Variants in PRSS57 observed in about 807,000 individuals in gnomAD.
PRSS57 encodes the protein serine protease 57, also known as neutrophil serine protease 4.
A neutral mutation model predicts 20.6 loss-of-function variants in PRSS57; 19 were observed. The observed-to-expected ratio is 0.92, with a 90% CI of 0.64 to 1.35. PRSS57 has a LOEUF of 1.35. PRSS57 is among the 40% of genes most tolerant of loss of function. The probability of loss-of-function intolerance (pLI) is 0.00; values close to 1 mark genes in which losing one functional copy is unlikely to be tolerated. For missense variants in PRSS57, 440 were observed against 403.7 expected (o/e 1.09, Z -0.77); for synonymous variants, 203 against 176.6 (o/e 1.15, Z -1.19).
chr19:695,099 G>C, intron 1 of PRSS57, 132 bp from the exon 2 acceptor site: 1 of 898,484 alleles, frequency 1.1e-6, no homozygotes, highest in Non-Finnish European at 1.5e-6. Context: ...GACCCAGAGA[G>C]CTGGAGACAG....
intron 2 of PRSS57, among the ~76,000 whole-genome samples, chr19:693,153 G>T (rs935763673): frequency 2.7e-5 from 4 of 149,468 alleles, no homozygotes; most frequent in African/African-American, 9.9e-5. Context: ...GGACAGTCTC[G>T]ATCTCCTGAC....
chr19:695,407 C>T lies in PRSS57; in HGVS notation c.24G>A (p.Trp8Ter), dbSNP rs763169445. ...TGGCCACAGTCAGCAGAGGACGTCCCCAGCCCCTCAACCCGAGCCCCATGG... is the reference window on the plus strand; with the variant it reads ...TGGCCACAGTCAGCAGAGGACGTCCTCAGCCCCTCAACCCGAGCCCCATGG... MGLGLRG[W>*]GRPLLTVATA... is the part of the protein sequence containing the mutation. Residue 8 changes from tryptophan (W) to a stop codon, truncating the protein, a stop_gained, in exon 1 of 5, where the codon TGG becomes TGA. Coordinates refer to ENST00000329267, the MANE Select transcript of PRSS57 (RefSeq NM_001308209.2). LOFTEE classifies it high-confidence loss of function. 2 of 1,275,408 alleles carry T rather than the reference C, an allele frequency of 1.6e-6. No homozygotes were observed. The highest frequency in any genetic ancestry group is 1.5e-5 in the African/African-American group (1 of 65,928). The allele number at this position is 1,275,408 out of a possible 1,614,324, so 79.0% of individuals were successfully genotyped here.
chr19:695,274 G>T lies in PRSS57; in HGVS notation c.79+78C>A, dbSNP rs192702345. On this transcript the variant is annotated intron_variant, in intron 1 of 4. Transcript: ENST00000329267. ...TGGAGCTCTCCCCAGGGTTCTCCCG[G>T]GACTGGGGGTTCCCGGGTGTGGCCC... 1.3e-3 allele frequency: 862 copies of T among 669,538 alleles called. 3 individuals are homozygous for T. The highest frequency in any genetic ancestry group is 1.6e-3 in the Non-Finnish European group (747 of 471,344). 41.5% of individuals were successfully genotyped at this position (669,538 alleles called of 1,614,324 possible). A position where few individuals can be genotyped will look rare whatever the true frequency, so the allele number is the denominator to read the frequency against.
intron 4 of PRSS57, 130 bp downstream of exon 4, chr19:686,794 TG>T: frequency 8.3e-7 from 1 of 1,201,900 alleles, no homozygotes; most frequent in Non-Finnish European, 1.2e-6. Context: ...CTGCCTTCCC[TG>T]GGCCTCAGCT....
chr19:688,602 C>CTTTTTTTTTT lies in PRSS57; in HGVS notation c.379-1424_379-1415dup, dbSNP rs11451021. 6.4e-5 allele frequency among the ~76,000 whole-genome samples: 7 copies of CTTTTTTTTTT among 110,208 alleles called. 1 individual carries two copies. The highest frequency in any genetic ancestry group is 1.9e-4 in the African/African-American group (5 of 26,120). The allele number at this position is 110,208 out of a possible 152,430, so 72.3% of individuals were successfully genotyped here. On this transcript the variant is annotated intron_variant, in intron 3 of 4. Coordinates refer to ENST00000329267, the MANE Select transcript of PRSS57 (RefSeq NM_001308209.2). Reference sequence around the variant, plus strand: ...CCACCCGGAGGACTCCACCCAGGGACTTTTTTTTTTTTTTCAGATGGAGTC... The same window carrying CTTTTTTTTTT: ...CCACCCGGAGGACTCCACCCAGGGACTTTTTTTTTTTTTTTTTTTTTTTTCAGATGGAGTC...
chr19:693,967 C>T (rs1348140474), intron 2 of PRSS57, among the ~76,000 whole-genome samples: 1 of 152,116 alleles, frequency 6.6e-6, no homozygotes, highest in East Asian at 1.9e-4. Flanking sequence ...GTCTCGATCT[C>T]CTGACCTCGT....
intron 3 of PRSS57, 39 bp downstream of exon 3, chr19:691,819 A>G: frequency 7.6e-7 from 1 of 1,320,432 alleles, no homozygotes; most frequent in Non-Finnish European, 9.8e-7. Context: ...AGACTGTCTC[A>G]AAAACTAAAC....
At chr19:691,042 A>C in intron 3 of PRSS57, 1 of 329,886 alleles carries the variant, frequency 3.0e-6, no homozygotes, top group Non-Finnish European at 5.9e-6. Context: ...TATCCTCTCT[A>C]AGACCTACAG....
In PRSS57 at chr19:695,390, G is replaced by A; in HGVS notation, c.41C>T (p.Thr14Ile). The stretch of plus-strand genomic sequence containing the variant: ...GGGCAGCATCAGGGCGGTGGCCACA[G>A]TCAGCAGAGGACGTCCCCAGCCCCT... ...GLRGWGRPLL[T>I]VATALMLPVK... The change falls in exon 1 of 5, where the codon ACT becomes ATT. Residue 14 changes from threonine (T) to isoleucine (I), a missense_variant. Coordinates refer to ENST00000329267, the MANE Select transcript of PRSS57 (RefSeq NM_001308209.2). 7.8e-7 allele frequency: 1 copy of A among 1,281,910 alleles called. No homozygotes were observed. The allele number at this position is 1,281,910 out of a possible 1,614,324, so 79.4% of individuals were successfully genotyped here. A position where few individuals can be genotyped will look rare whatever the true frequency, so the allele number is the denominator to read the frequency against.
At chr19:691,574 C>A (rs1030872680) in intron 3 of PRSS57, among the ~76,000 whole-genome samples, 1 of 151,500 alleles carries the variant, frequency 6.6e-6, no homozygotes, top group Non-Finnish European at 1.5e-5. Context: ...AATCCCAGCC[C>A]TTTGGGAGGC....
chr19:694,713 C>T (rs1367428159), intron 2 of PRSS57, 101 bp downstream of exon 2: 2 of 1,355,018 alleles, frequency 1.5e-6, no homozygotes, highest in Non-Finnish European at 2.0e-6. Context: ...GACTCCCCCT[C>T]CTGCAGGAGC....
Position 695,433 on chromosome 19 carries a change from C to A in PRSS57, c.-3G>T, listed in dbSNP as rs2031763860. 7.9e-7 allele frequency: 1 copy of A among 1,258,268 alleles called. No homozygotes were observed. The highest frequency in any genetic ancestry group is 1.0e-6 in the Non-Finnish European group (1 of 994,730). The allele number at this position is 1,258,268 out of a possible 1,614,324, so 77.9% of individuals were successfully genotyped here. ...CAGCCCCTCAACCCGAGCCCCATGGCAGACGCAGGCTGGCGTCTCCCCGCA... is the reference window on the plus strand; with the variant it reads ...CAGCCCCTCAACCCGAGCCCCATGGAAGACGCAGGCTGGCGTCTCCCCGCA... On this transcript the variant is annotated 5_prime_UTR_variant, in exon 1 of 5. Transcript: ENST00000329267.
intron 2 of PRSS57, among the ~76,000 whole-genome samples, chr19:693,229 C>CTTT (rs1171032187): frequency 0.29 from 30,972 of 107,522 alleles, 7,305 homozygotes; most frequent in Non-Finnish European, 0.39. Context: ...CCGCACCCGG[C>CTTT]CTTTTTTTTT....
rs1326269544 is a variant in PRSS57, at chr19:685,937, G to A, written c.643-15C>T. 2.0e-5 allele frequency: 30 copies of A among 1,529,814 alleles called. No homozygotes were observed. Among genetic ancestry groups the A allele is most frequent in the Non-Finnish European group, 2.6e-5 (29 of 1,133,398 alleles). 94.8% of individuals were successfully genotyped at this position (1,529,814 alleles called of 1,614,324 possible). A position where few individuals can be genotyped will look rare whatever the true frequency, so the allele number is the denominator to read the frequency against. ...CCGGAGTCGGCCTGGAGTGAAAGGA[G>A]AGGTGAGGTCAGGGCCTCTGGGAGC... On this transcript the variant is annotated splice_polypyrimidine_tract_variant and intron_variant, in intron 4 of 4. Coordinates refer to ENST00000329267, the MANE Select transcript of PRSS57 (RefSeq NM_001308209.2).
chr19:695,272 C>T (rs146599231), intron 1 of PRSS57, 80 bp downstream of exon 1: 7,841 of 662,610 alleles, frequency 0.012, 70 homozygotes, highest in Non-Finnish European at 0.015. Flanking sequence ...AGGGTTCTCC[C>T]GGGACTGGGG....
At chr19:688,780 G>A (rs1302397807) in intron 3 of PRSS57, among the ~76,000 whole-genome samples, 1 of 151,898 alleles carries the variant, frequency 6.6e-6, no homozygotes, top group Non-Finnish European at 1.5e-5. Flanking sequence ...TTTATTTTTA[G>A]TAGAGATGGG....
chr19:687,065 CAA>C lies in PRSS57; in HGVS notation c.500_501del (p.Phe167Ter). On this transcript the variant is annotated frameshift_variant, in exon 4 of 5. Coordinates refer to ENST00000329267, the MANE Select transcript of PRSS57 (RefSeq NM_001308209.2). LOFTEE classifies it high-confidence loss of function. ...TCCATCAGTCCAGGCGGCAGCTCCT[CAA>C]AGTCAGACACGAAGCCCCAGCCAGC... The part of the protein sequence containing the change: ...RVAGWGFVSD[F>X]EELPPGLMEA... 6.2e-7 allele frequency: 1 copy of C among 1,614,056 alleles called. No homozygotes were observed. The highest frequency in any genetic ancestry group is 8.5e-7 in the Non-Finnish European group (1 of 1,180,018).
chr19:687,338 G>T (rs1001984488), intron 3 of PRSS57, 150 bp from the exon 4 acceptor site: 1 of 844,078 alleles, frequency 1.2e-6, no homozygotes, highest in Non-Finnish European at 1.8e-6. Flanking sequence ...CGTTCCTTCT[G>T]CCAACACAGG....
chr19:693,330 C>G (rs1459231252), intron 2 of PRSS57, among the ~76,000 whole-genome samples: 1 of 145,232 alleles, frequency 6.9e-6, no homozygotes, highest in Non-Finnish European at 1.5e-5. Context: ...CAGGCTCAAG[C>G]GATCCTCCCA....
Sources: gnomAD v4.1 joint callset for allele counts (sites outside exome capture counted in the v4.1 genomes callset) on GRCh38, gnomAD v4.1.1 for gene constraint, MANE v1.5 for transcripts, NCBI Gene and HGNC (gene_info 2026-07-23, HGNC 2026-07-21) for gene names.